Variants in GPC6 observed in about 807,000 individuals in gnomAD.
The protein encoded by GPC6 is glypican 6, also known as glypican-6.
Under a neutral mutation model 55.2 loss-of-function variants are expected in GPC6, and 14 were observed. That is an observed-to-expected ratio of 0.25 (90% CI 0.17 to 0.40). The LOEUF is 0.40. GPC6 is among the 10% of genes least tolerant of loss of function. The pLI, the probability that GPC6 is intolerant of heterozygous loss-of-function variation, is 1.00. For missense variants in GPC6, 641 were observed against 708.5 expected (o/e 0.90, Z 1.08); for synonymous variants, 278 against 259.6 (o/e 1.07, Z -0.68).
intron 1 of GPC6, among the ~76,000 whole-genome samples, chr13:93,421,715 G>GA (rs139843109): frequency 0.02 from 3,005 of 148,770 alleles, 109 homozygotes; most frequent in African/African-American, 0.069. Context: ...TGGAAAATGT[G>GA]AAAAAAAAAA....
At chr13:94,250,473 T>C (rs1341534213) in intron 4 of GPC6, among the ~76,000 whole-genome samples, 2 of 152,214 alleles carry the variant, frequency 1.3e-5, no homozygotes, top group Non-Finnish European at 2.9e-5. Context: ...TTTGCTTATC[T>C]GAAATTATGC....
intron 4 of GPC6, among the ~76,000 whole-genome samples, chr13:94,253,644 T>C (rs1262587018): frequency 6.6e-6 from 1 of 152,108 alleles, no homozygotes; most frequent in East Asian, 1.9e-4. Flanking sequence ...TTTTCGATCA[T>C]AGAAAACTTT....
intron 2 of GPC6, among the ~76,000 whole-genome samples, chr13:93,689,121 G>C (rs1303775030): frequency 6.6e-6 from 1 of 151,616 alleles, no homozygotes; most frequent in Non-Finnish European, 1.5e-5. Context: ...ATTTTTATTT[G>C]GTCTAAGTCT....
chr13:93,845,162 T>G (rs1414929920), intron 3 of GPC6, among the ~76,000 whole-genome samples: 2 of 152,102 alleles, frequency 1.3e-5, no homozygotes, highest in Non-Finnish European at 2.9e-5. Context: ...TTTAAAGTAG[T>G]TTTTTCCAAC....
intron 1 of GPC6, among the ~76,000 whole-genome samples, chr13:93,483,819 G>A (rs950852795): frequency 1.3e-5 from 2 of 152,080 alleles, no homozygotes; most frequent in East Asian, 1.9e-4. Flanking sequence ...AATTGTCAGT[G>A]TGACTAAAAT....
chr13:94,230,497 G>A (rs775996629), intron 4 of GPC6, among the ~76,000 whole-genome samples: 1 of 152,084 alleles, frequency 6.6e-6, no homozygotes, highest in Non-Finnish European at 1.5e-5. Flanking sequence ...CCTGACACGT[G>A]TGCCAGAGAC....
chr13:94,281,096 T>C (rs1892366156), intron 4 of GPC6, among the ~76,000 whole-genome samples: 1 of 152,186 alleles, frequency 6.6e-6, no homozygotes, highest in Non-Finnish European at 1.5e-5. Context: ...ACATAACAAA[T>C]AGTTATTAGA....
intron 5 of GPC6, among the ~76,000 whole-genome samples, chr13:94,301,703 T>C (rs1462884154): frequency 6.6e-6 from 1 of 152,182 alleles, no homozygotes; most frequent in African/African-American, 2.4e-5. Context: ...GGCATGGCAA[T>C]AGGCTGTCCT....
At chr13:93,280,166 A>G (rs1255994353) in intron 1 of GPC6, among the ~76,000 whole-genome samples, 1 of 152,188 alleles carries the variant, frequency 6.6e-6, no homozygotes, top group African/African-American at 2.4e-5. Context: ...TCAGGTTCAC[A>G]TGTGGGGGGG....
At chr13:93,592,800 G>A (rs762942416) in intron 2 of GPC6, among the ~76,000 whole-genome samples, 41 of 152,084 alleles carry the variant, frequency 2.7e-4, no homozygotes, top group Middle Eastern at 3.4e-3. Flanking sequence ...AAATAGAACC[G>A]TTGATTATTT....
At chr13:93,779,341 A>C (rs187900592) in intron 2 of GPC6, among the ~76,000 whole-genome samples, 1 of 152,204 alleles carries the variant, frequency 6.6e-6, no homozygotes, top group South Asian at 2.1e-4. Context: ...GCCTTCTAAC[A>C]TACTTGATGA....
At chr13:93,611,614 A>G (rs1878464017) in intron 2 of GPC6, among the ~76,000 whole-genome samples, 1 of 152,166 alleles carries the variant, frequency 6.6e-6, no homozygotes, top group Non-Finnish European at 1.5e-5. Context: ...ATCCATGTTG[A>G]TATTAAAATG....
At chr13:94,273,855 A>G (rs1393100342) in intron 4 of GPC6, among the ~76,000 whole-genome samples, 2 of 152,226 alleles carry the variant, frequency 1.3e-5, no homozygotes, top group Non-Finnish European at 2.9e-5. Context: ...TCTTTAAGGC[A>G]AGGAATGATA....
chr13:93,909,516 G>A (rs1031753970), intron 3 of GPC6, among the ~76,000 whole-genome samples: 18 of 152,138 alleles, frequency 1.2e-4, no homozygotes, highest in South Asian at 4.2e-4. Context: ...AAAAAGAAAC[G>A]TGAAAACTGT....
chr13:94,244,607 A>G (rs1252632064), intron 4 of GPC6, among the ~76,000 whole-genome samples: 1 of 152,174 alleles, frequency 6.6e-6, no homozygotes, highest in African/African-American at 2.4e-5. Context: ...AAGTGGTTTT[A>G]CTTTTTAAAA....
chr13:93,889,208 T>C (rs181658466), intron 3 of GPC6, among the ~76,000 whole-genome samples: 94 of 152,246 alleles, frequency 6.2e-4, no homozygotes, highest in African/African-American at 2.2e-3. Context: ...TCACTTGTTC[T>C]TAATTCATAA....
chr13:93,792,662 G>A (rs1020862848), intron 2 of GPC6, among the ~76,000 whole-genome samples: 3 of 152,172 alleles, frequency 2.0e-5, no homozygotes, highest in African/African-American at 2.4e-5. Context: ...GAATCAGGTC[G>A]CATAATGAGG....
At chr13:93,542,027 A>T (rs1187276154) in intron 1 of GPC6, among the ~76,000 whole-genome samples, 3 of 152,074 alleles carry the variant, frequency 2.0e-5, no homozygotes, top group Non-Finnish European at 2.9e-5. Context: ...CTTTAGTTTA[A>T]TTAGATCCCA....
chr13:93,404,986 T>C (rs1236503227), intron 1 of GPC6, among the ~76,000 whole-genome samples: 1 of 152,222 alleles, frequency 6.6e-6, no homozygotes, highest in African/African-American at 2.4e-5. Context: ...TAATGAAATA[T>C]GAAAATTAAT....
Sources: allele counts gnomAD v4.1 joint callset (sites outside exome capture counted in the v4.1 genomes callset), GRCh38; gene constraint gnomAD v4.1.1; transcripts MANE v1.5; gene names NCBI Gene and HGNC (gene_info 2026-07-23, HGNC 2026-07-21).